The following TXNDC8 variants were observed in gnomAD, a reference collection of about 807,000 sequenced individuals.
The protein encoded by TXNDC8 is thioredoxin domain-containing protein 8.
A neutral mutation model predicts 12.9 loss-of-function variants in TXNDC8; 15 were observed. The ratio of observed to expected loss-of-function variants is 1.16; its 90% CI spans 0.78 to 1.79. The LOEUF (loss-of-function observed/expected upper bound fraction) is 1.79, where lower values mean the gene tolerates loss of function less well. Among genes scored for constraint, TXNDC8 ranks in the 40% most tolerant of loss-of-function variants. TXNDC8 has a pLI of 0.00. For missense variants in TXNDC8, 128 were observed against 113.2 expected, an observed-to-expected ratio of 1.13 and a Z score of -0.59; for synonymous variants, 40 against 35.4, an observed-to-expected ratio of 1.13 and a Z score of -0.46.
chr9:110,303,049 G>A (rs1209546822), downstream of TXNDC8, among the ~76,000 whole-genome samples: 1 of 150,790 alleles, frequency 6.6e-6, no homozygotes, highest in Non-Finnish European at 1.5e-5. Flanking sequence ...GGGCAACAGA[G>A]CAAGACTGTC....
rs756719863 is a variant in TXNDC8, at chr9:110,304,478, T to C, written c.250A>G (p.Met84Val). The stretch of plus-strand genomic sequence containing the variant: ...CCCATTTCACTTACCAGGTTGCTCA[T>C]GAATCCACTTCTATAACAGCAAATT... The change falls in exon 4 of 5, where the codon ATG becomes GTG. Residue 84 changes from methionine to valine, a missense_variant. Coordinates refer to ENST00000423740, the MANE Select transcript of TXNDC8 (RefSeq NM_001286946.2). The C allele has an allele frequency of 6.2e-7, 1 of 1,610,170 alleles. No homozygotes were observed. Among genetic ancestry groups the C allele is most frequent in the Admixed American group, 1.7e-5 (1 of 59,828 alleles).
chr9:110,329,227 C>A lies in TXNDC8; in HGVS notation c.130-2987G>T. 1 of 1,611,646 alleles carries A rather than the reference C, an allele frequency of 6.2e-7. No individual in the cohort carries two copies. The highest frequency in any genetic ancestry group is 8.5e-7 in the Non-Finnish European group (1 of 1,178,818). On this transcript the variant is annotated intron_variant, in intron 2 of 4. Transcript: ENST00000423740. Reference sequence around the variant, plus strand: ...GTATGTGCACAGAAGATTTAAGATTCTTACCGGAGAATTGTTCACATCCAC... The same window carrying A: ...GTATGTGCACAGAAGATTTAAGATTATTACCGGAGAATTGTTCACATCCAC...
intron 1 of TXNDC8, among the ~76,000 whole-genome samples, chr9:110,336,586 A>G (rs1839768055): frequency 6.6e-6 from 1 of 152,178 alleles, no homozygotes. Context: ...ATTGAGGCCT[A>G]TACTATGCCA....
chr9:110,309,899 C>G (rs1181755476), intron 3 of TXNDC8, among the ~76,000 whole-genome samples: 1 of 151,748 alleles, frequency 6.6e-6, no homozygotes, highest in Non-Finnish European at 1.5e-5. Context: ...TATTAATAAT[C>G]TCAGTTCCTT....
At chr9:110,306,052 A>G (rs1362433355) in intron 3 of TXNDC8, among the ~76,000 whole-genome samples, 1 of 152,222 alleles carries the variant, frequency 6.6e-6, no homozygotes, top group East Asian at 1.9e-4. Flanking sequence ...ATTTTAGCAG[A>G]AACGGGCTTT....
rs536788878 is a variant in TXNDC8 at position 110,315,836 on chromosome 9, G to T, written c.195+10339C>A. 3.0e-3 allele frequency among the ~76,000 whole-genome samples: 420 copies of T among 141,646 alleles called. 1 individual carries two copies. Among genetic ancestry groups the T allele is most frequent in the Middle Eastern group, 8.8e-3 (2 of 226 alleles). 92.9% of individuals were successfully genotyped at this position (141,646 alleles called of 152,430 possible). ...CCACAAGACACTTTTTTTTTTGGCG[G>T]CAGGGGAGGGGGTTGAGGGGGCGGG... is the stretch of plus-strand genomic sequence containing the variant. On this transcript the variant is annotated intron_variant, in intron 3 of 4. Transcript: ENST00000423740.
Position 110,334,296 on chromosome 9 carries a change from C to T in TXNDC8, c.49G>A (p.Ala17Thr), listed in dbSNP as rs1288527487. The T allele has an allele frequency of 6.2e-7, 1 of 1,613,490 alleles. No homozygotes were observed. The highest frequency in any genetic ancestry group is 2.2e-5 in the East Asian group (1 of 44,858). ...ACCACTGCGAGTTTGTGTCCGGCAGCTGTCAAAAATGTTTTAAATTCATTC... is the reference window on the plus strand; with the variant it reads ...ACCACTGCGAGTTTGTGTCCGGCAGTTGTCAAAAATGTTTTAAATTCATTC... Residue 17 changes from alanine (A) to threonine (T), a missense_variant, in exon 2 of 5, where the codon GCT becomes ACT. Coordinates refer to ENST00000423740, the MANE Select transcript of TXNDC8 (RefSeq NM_001286946.2).
chr9:110,303,783 T>C, intron 4 of TXNDC8, 200 bp from the exon 6 acceptor site: 3 of 1,375,084 alleles, frequency 2.2e-6, no homozygotes, highest in Non-Finnish European at 3.0e-6. Context: ...AAAATTACTT[T>C]TGCTAAAAAC....
chr9:110,336,155 G>A (rs151092777), intron 1 of TXNDC8, among the ~76,000 whole-genome samples: 18 of 152,314 alleles, frequency 1.2e-4, no homozygotes, highest in Non-Finnish European at 2.5e-4. Flanking sequence ...ATGTGGAACC[G>A]TGAGTTCATT....
intron 3 of TXNDC8, among the ~76,000 whole-genome samples, chr9:110,309,790 C>T (rs1164824946): frequency 6.6e-6 from 1 of 152,082 alleles, no homozygotes; most frequent in African/African-American, 2.4e-5. Flanking sequence ...GTGCTGCTTA[C>T]AAGCAGCACA....
chr9:110,304,295 A>C (rs1259675179), intron 4 of TXNDC8, among the ~76,000 whole-genome samples, 172 bp downstream of exon 5: 1 of 152,236 alleles, frequency 6.6e-6, no homozygotes, highest in East Asian at 1.9e-4. Flanking sequence ...GGCAGGGGCT[A>C]GAAAAGTCTA....
chr9:110,332,271 G>A (rs1359879089), intron 2 of TXNDC8, among the ~76,000 whole-genome samples: 1 of 152,162 alleles, frequency 6.6e-6, no homozygotes, highest in Non-Finnish European at 1.5e-5. Context: ...GGCCAGGGTG[G>A]TCTGGAACTC....
At chr9:110,321,637 G>A (rs1839097956) in intron 3 of TXNDC8, among the ~76,000 whole-genome samples, 1 of 151,722 alleles carries the variant, frequency 6.6e-6, no homozygotes, top group Non-Finnish European at 1.5e-5. Context: ...CATTTATGGA[G>A]GTAGTCCTCA....
At chr9:110,317,912 T>C (rs1346388138) in intron 3 of TXNDC8, among the ~76,000 whole-genome samples, 1 of 152,232 alleles carries the variant, frequency 6.6e-6, no homozygotes, top group African/African-American at 2.4e-5. Flanking sequence ...CTTGTGTTGG[T>C]GATTGACGGA....
chr9:110,319,851 T>C (rs554723546), intron 3 of TXNDC8, among the ~76,000 whole-genome samples: 2 of 152,328 alleles, frequency 1.3e-5, no homozygotes, highest in East Asian at 3.9e-4. Context: ...TTCCTGTACC[T>C]ACTTGAAGGA....
In TXNDC8 at chr9:110,304,401, C is replaced by T; in HGVS notation, c.261+66G>A. 3 of 1,436,760 alleles carry T rather than the reference C, an allele frequency of 2.1e-6. No individual in the cohort carries two copies. In the South Asian group the frequency reaches 3.7e-5, roughly 17 times the overall value. 89.0% of individuals were successfully genotyped at this position (1,436,760 alleles called of 1,614,324 possible). A position where few individuals can be genotyped will look rare whatever the true frequency, so the allele number is the denominator to read the frequency against. On this transcript the variant is annotated intron_variant, in intron 4 of 4. Coordinates refer to ENST00000423740, the MANE Select transcript of TXNDC8 (RefSeq NM_001286946.2). ...GCAGCAGCATTCTGCCTGAGTGTGT[C>T]ATTATATTTATTCCTTCAAAGTAAA...
rs755009326 is a variant in TXNDC8, at chr9:110,334,231, C to T, written c.114G>A (p.Met38Ile). 6.2e-6 allele frequency: 10 copies of T among 1,612,040 alleles called. No individual in the cohort carries two copies. In the South Asian group the frequency reaches 7.7e-5, roughly 12 times the overall value. Residue 38 changes from methionine to isoleucine, a missense_variant, in exon 2 of 5, where the codon ATG (methionine) becomes ATA (isoleucine). Transcript: ENST00000423740. ...TTGTACTCACATGGAAAACAGGAAA[C>T]ATCCTTTTGCAGGGACCACACCGTT... is the stretch of plus-strand genomic sequence containing the variant.
chr9:110,312,575 A>C (rs1838728660), intron 3 of TXNDC8, among the ~76,000 whole-genome samples: 2 of 152,206 alleles, frequency 1.3e-5, no homozygotes, highest in African/African-American at 4.8e-5. Flanking sequence ...TGATGGTACA[A>C]ATCCATCTAT....
At chr9:110,303,767 C>A (rs1184357189) in intron 4 of TXNDC8, 184 bp from the exon 6 acceptor site, 4 of 1,450,372 alleles carry the variant, frequency 2.8e-6, no homozygotes, top group Non-Finnish European at 3.7e-6. Flanking sequence ...TATTTGGCAT[C>A]CTTTCAAAAT....
Sources: gnomAD v4.1 joint callset for allele counts (sites outside exome capture counted in the v4.1 genomes callset) on GRCh38, gnomAD v4.1.1 for gene constraint, MANE v1.5 for transcripts, NCBI Gene and HGNC (gene_info 2026-07-23, HGNC 2026-07-21) for gene names.